MSRB3: variants seen among roughly 807,000 people sequenced by gnomAD.
The protein encoded by MSRB3 is methionine sulfoxide reductase B3, also known as methionine-R-sulfoxide reductase B3.
In MSRB3, 13 loss-of-function variants were observed where a neutral mutation model predicts 21.0. The ratio of observed to expected loss-of-function variants is 0.62; its 90% confidence interval spans 0.40 to 0.98. The LOEUF is 0.98. MSRB3 is among the 50% of genes least tolerant of loss of function. The pLI is 0.00. For missense variants in MSRB3, 199 were observed against 230.3 expected, an observed-to-expected ratio of 0.86 and a Z score of 0.88; for synonymous variants, 87 against 88.6, an observed-to-expected ratio of 0.98 and a Z score of 0.10.
At chr12:65,418,925 C>T in intron 5 of MSRB3, 1 of 718,514 alleles carries the variant, frequency 1.4e-6, no homozygotes, top group Non-Finnish European at 2.5e-6. Flanking sequence ...AGCAGGGCCT[C>T]CTACTCCTGG....
chr12:65,343,126 G>T (rs889441213), intron 4 of MSRB3, among the ~76,000 whole-genome samples: 40 of 151,988 alleles, frequency 2.6e-4, no homozygotes, highest in African/African-American at 9.2e-4. Context: ...ATCTCTCTAT[G>T]ACAAAATTTA....
intron 1 of MSRB3, among the ~76,000 whole-genome samples, chr12:65,282,405 T>C (rs1209459117): frequency 6.6e-6 from 1 of 152,094 alleles, no homozygotes; most frequent in Admixed American, 6.5e-5. Context: ...TTTATGGCTT[T>C]AAGGGAAGTA....
chr12:65,386,437 A>G (rs1293514888), intron 5 of MSRB3, among the ~76,000 whole-genome samples: 1 of 151,938 alleles, frequency 6.6e-6, no homozygotes, highest in Non-Finnish European at 1.5e-5. Context: ...CTTTTGAATG[A>G]TAAACTTTTT....
At chr12:65,389,286 C>G (rs541145905) in intron 5 of MSRB3, among the ~76,000 whole-genome samples, 15 of 152,160 alleles carry the variant, frequency 9.9e-5, no homozygotes, top group African/African-American at 2.6e-4. Context: ...TAAATACATT[C>G]TTTTTTATCC....
intron 5 of MSRB3, among the ~76,000 whole-genome samples, chr12:65,432,455 T>G (rs892648382): frequency 3.3e-5 from 5 of 151,962 alleles, no homozygotes; most frequent in Non-Finnish European, 7.4e-5. Context: ...AAATGGGGAT[T>G]TAGAGATATA....
chr12:65,380,325 A>G (rs1312180926), intron 5 of MSRB3, among the ~76,000 whole-genome samples: 2 of 152,102 alleles, frequency 1.3e-5, no homozygotes, highest in African/African-American at 4.8e-5. Context: ...AGTCTATTAG[A>G]AACCACAGGC....
At chr12:65,336,941 T>C (rs558782089) in intron 4 of MSRB3, among the ~76,000 whole-genome samples, 2 of 152,318 alleles carry the variant, frequency 1.3e-5, no homozygotes, top group African/African-American at 4.8e-5. Context: ...GGAAACATCG[T>C]GTCTTAAAAG....
At chr12:65,299,159 G>T (rs1427652858) in intron 1 of MSRB3, among the ~76,000 whole-genome samples, 1 of 152,096 alleles carries the variant, frequency 6.6e-6, no homozygotes, top group Admixed American at 6.5e-5. Context: ...GGTTAATATA[G>T]TTATAGTGCT....
chr12:65,311,728 TG>T (rs751782344), intron 2 of MSRB3, among the ~76,000 whole-genome samples: 17 of 152,042 alleles, frequency 1.1e-4, no homozygotes, highest in Admixed American at 3.3e-4. Context: ...ATCAAAAAGA[TG>T]TCTGTTCCCT....
At position 65,351,293 on chromosome 12, in the gene MSRB3, T is replaced by C. The variant is rs1876969837; in HGVS notation, c.264-17705T>C. On this transcript the variant is annotated intron_variant, in intron 4 of 6. Coordinates refer to ENST00000308259, the MANE Select transcript of MSRB3 (RefSeq NM_001031679.3). ...AACAAAGACACAACATACCAGAATC[T>C]CTGGGACACATTCAAAGAAGTGTGT... Among the ~76,000 whole-genome samples, 3 of 148,928 alleles carry C rather than the reference T, an allele frequency of 2.0e-5. No individual in the cohort carries two copies. The South Asian group carries it at 6.4e-4, about 32-fold the overall frequency.
At chr12:65,311,973 A>G (rs549368610) in intron 2 of MSRB3, among the ~76,000 whole-genome samples, 2 of 151,970 alleles carry the variant, frequency 1.3e-5, no homozygotes, top group Admixed American at 1.3e-4. Flanking sequence ...TGGTTCACTC[A>G]TGTTTGCAAT....
chr12:65,456,058 A>G (rs1257114598), intron 6 of MSRB3, among the ~76,000 whole-genome samples: 1 of 152,222 alleles, frequency 6.6e-6, no homozygotes, highest in Non-Finnish European at 1.5e-5. Flanking sequence ...TTTAAATTCA[A>G]TTAAATTTGA....
chr12:65,456,754 G>A (rs972271103), intron 6 of MSRB3, among the ~76,000 whole-genome samples: 3 of 152,216 alleles, frequency 2.0e-5, no homozygotes, highest in Non-Finnish European at 4.4e-5. Context: ...AGGCATGTAT[G>A]AAAATACACG....
At chr12:65,438,993 A>C (rs1882248680) in intron 5 of MSRB3, among the ~76,000 whole-genome samples, 1 of 151,912 alleles carries the variant, frequency 6.6e-6, no homozygotes, top group African/African-American at 2.4e-5. Context: ...GAATGAACTG[A>C]ATTCTCCCAT....
intron 1 of MSRB3, among the ~76,000 whole-genome samples, chr12:65,304,106 AG>A (rs1873504489): frequency 6.6e-6 from 1 of 152,176 alleles, no homozygotes; most frequent in Admixed American, 6.6e-5. Context: ...TAGGACAGAA[AG>A]GGGTTTTGTA....
intron 2 of MSRB3, 162 bp downstream of exon 2, chr12:65,308,817 T>A: frequency 1.2e-6 from 1 of 867,204 alleles, no homozygotes; most frequent in Non-Finnish European, 1.8e-6. Context: ...CTACTTTGAG[T>A]AACATTCATT....
At chr12:65,382,593 G>A (rs1385250365) in intron 5 of MSRB3, among the ~76,000 whole-genome samples, 1 of 151,470 alleles carries the variant, frequency 6.6e-6, no homozygotes. Context: ...ATACTACTTA[G>A]GAATTTATTC....
intron 5 of MSRB3, among the ~76,000 whole-genome samples, chr12:65,431,627 A>G (rs1354031727): frequency 1.3e-5 from 2 of 151,932 alleles, no homozygotes; most frequent in African/African-American, 4.8e-5. Context: ...GAAGGAGGTG[A>G]AAGTCAGGTT....
At chr12:65,418,998 G>A (rs767454564) in intron 5 of MSRB3, 24 of 709,598 alleles carry the variant, frequency 3.4e-5, no homozygotes, top group Non-Finnish European at 5.6e-5. Context: ...GCAGGATCCC[G>A]TTGAGTTGCT....
Sources: gnomAD v4.1 joint callset for allele counts (sites outside exome capture counted in the v4.1 genomes callset) on GRCh38, gnomAD v4.1.1 for gene constraint, MANE v1.5 for transcripts, NCBI Gene and HGNC (gene_info 2026-07-23, HGNC 2026-07-21) for gene names.